PIAS2: variants seen among roughly 807,000 people sequenced by gnomAD.
The protein encoded by PIAS2 is protein inhibitor of activated STAT 2.
In PIAS2, 19 loss-of-function variants were observed where a neutral mutation model predicts 69.7. The observed-to-expected ratio is 0.27, with a 90% CI of 0.19 to 0.40. The LOEUF is 0.40. Ranked by LOEUF, PIAS2 falls within the 10% of genes least tolerant of loss-of-function variation. The probability of loss-of-function intolerance (pLI) is 1.00; values close to 1 mark genes in which losing one functional copy is unlikely to be tolerated. For missense variants in PIAS2, 624 were observed against 757.0 expected (o/e 0.82, Z 2.06); for synonymous variants, 261 against 263.2 (o/e 0.99, Z 0.08).
At chr18:46,907,009 G>A (rs891810374) in intron 1 of PIAS2, among the ~76,000 whole-genome samples, 5 of 152,114 alleles carry the variant, frequency 3.3e-5, no homozygotes, top group African/African-American at 1.2e-4. Context: ...AAGGCAGTAA[G>A]GACCTGAGAC....
At chr18:46,818,198 C>T (rs2041773458) in intron 12 of PIAS2, 37 of 1,177,814 alleles carry the variant, frequency 3.1e-5, no homozygotes, top group Non-Finnish European at 3.9e-5. Context: ...TTTAACAAAA[C>T]ATAACTGCTA....
rs541852053 is a variant in PIAS2 at position 46,914,592 on chromosome 18, T to C, written c.24+2730A>G. On this transcript the variant is annotated intron_variant, in intron 1 of 13. Transcript: ENST00000585916. ...CAACTCCACCCCCGACACACAAGTC[T>C]GAAAAGCAAAGGCACCAGGGTCACC... is the stretch of plus-strand genomic sequence containing the variant. 1.0e-4 allele frequency among the ~76,000 whole-genome samples: 12 copies of C among 119,680 alleles called. No homozygotes were observed. The East Asian group carries it at 3.4e-3, about 33-fold the overall frequency. The allele number at this position is 119,680 out of a possible 152,430, so 78.5% of individuals were successfully genotyped here.
chr18:46,874,653 A>G (rs1052595549), intron 2 of PIAS2, among the ~76,000 whole-genome samples: 1 of 152,214 alleles, frequency 6.6e-6, no homozygotes, highest in African/African-American at 2.4e-5. Context: ...CTCCTTATGA[A>G]ATGCTATACG....
chr18:46,904,452 A>G (rs1353783492), intron 1 of PIAS2, among the ~76,000 whole-genome samples: 1 of 152,182 alleles, frequency 6.6e-6, no homozygotes, highest in African/African-American at 2.4e-5. Context: ...TGACAAAAAA[A>G]GAAAAATAAC....
rs1296438757 is a variant in PIAS2, at chr18:46,804,753, C to T, written c.*7680G>A. The T allele has an allele frequency of 6.6e-6, 1 of 152,210 alleles. No homozygotes were observed. Among genetic ancestry groups the T allele is most frequent in the African/African-American group, 2.4e-5 (1 of 41,446 alleles). The allele number at this position is 152,210 out of a possible 1,614,324, so 9.4% of individuals were successfully genotyped here. ...CATTAACATTGTAATCTCCCTATTT[C>T]ACACCTCTGTTGACGCTATTGGAGC... On this transcript the variant is annotated 3_prime_UTR_variant, in exon 14 of 14. Coordinates refer to ENST00000585916, the MANE Select transcript of PIAS2 (RefSeq NM_004671.5).
Position 46,807,599 on chromosome 18 carries a change from G to GT in PIAS2, c.*4833dup. On this transcript the variant is annotated 3_prime_UTR_variant, in exon 14 of 14. Transcript: ENST00000585916. Reference sequence around the variant, plus strand: ...GAGATGGGGTTTCACCATGTTCCATGTTAGCCAGGCTGGTCTCCAACTCCT... The same window carrying GT: ...GAGATGGGGTTTCACCATGTTCCATGTTTAGCCAGGCTGGTCTCCAACTCCT... 6.6e-6 allele frequency: 1 copy of GT among 151,554 alleles called. No homozygotes were observed. Among genetic ancestry groups the GT allele is most frequent in the Non-Finnish European group, 1.5e-5 (1 of 67,916 alleles). The allele number at this position is 151,554 out of a possible 1,614,324, so 9.4% of individuals were successfully genotyped here.
At chr18:46,823,256 C>T (rs567907840) in intron 11 of PIAS2, among the ~76,000 whole-genome samples, 8 of 151,732 alleles carry the variant, frequency 5.3e-5, no homozygotes, top group Non-Finnish European at 8.8e-5. Flanking sequence ...TTTAACCTAT[C>T]GTGTTTTTTT....
intron 12 of PIAS2, chr18:46,817,249 A>G: frequency 1.0e-6 from 1 of 983,796 alleles, no homozygotes; most frequent in Non-Finnish European, 1.2e-6. Context: ...TATAACGCTA[A>G]GTATTGACAA....
chr18:46,860,364 A>G (rs2048470444), intron 3 of PIAS2, among the ~76,000 whole-genome samples: 1 of 152,250 alleles, frequency 6.6e-6, no homozygotes, highest in South Asian at 2.1e-4. Flanking sequence ...TGCTAGATCA[A>G]ATAGATCACT....
intron 12 of PIAS2, chr18:46,815,778 A>G (rs1331483709): frequency 1.0e-6 from 1 of 998,690 alleles, no homozygotes; most frequent in South Asian, 4.5e-5. Context: ...ATCGCTTCTT[A>G]AACAGATGTC....
intron 6 of PIAS2, among the ~76,000 whole-genome samples, chr18:46,845,668 T>C (rs1266420938): frequency 6.6e-6 from 1 of 152,058 alleles, no homozygotes; most frequent in Non-Finnish European, 1.5e-5. Flanking sequence ...TTATTAAATA[T>C]ATTCATTCAA....
In PIAS2 at chr18:46,812,372, ACTAGAGAT is replaced by A; in HGVS notation, c.*53_*60del. On this transcript the variant is annotated 3_prime_UTR_variant, in exon 14 of 14. Transcript: ENST00000585916. Reference sequence around the variant, plus strand: ...AAAAAAAAAAAGAACGTTTCCACAGACTAGAGATCCAAGAAAAAGCAGTTCTGATGAAT... The same window carrying A: ...AAAAAAAAAAAGAACGTTTCCACAGACCAAGAAAAAGCAGTTCTGATGAAT... 2 of 967,614 alleles carry A rather than the reference ACTAGAGAT, an allele frequency of 2.1e-6. No individual in the cohort carries two copies. Among genetic ancestry groups the A allele is most frequent in the South Asian group, 1.8e-5 (1 of 56,136 alleles). 59.9% of individuals were successfully genotyped at this position (967,614 alleles called of 1,614,324 possible).
intron 1 of PIAS2, among the ~76,000 whole-genome samples, chr18:46,910,048 C>G (rs548078151): frequency 6.6e-6 from 1 of 151,950 alleles, no homozygotes; most frequent in East Asian, 1.9e-4. Flanking sequence ...CCCGGCTACT[C>G]GGGAGGCTGA....
At chr18:46,846,991 C>T (rs547625726) in intron 5 of PIAS2, 150 bp from the exon 6 acceptor site, 200 of 577,584 alleles carry the variant, frequency 3.5e-4, no homozygotes, top group African/African-American at 3.1e-3. Flanking sequence ...CATTATCAAC[C>T]CAAAATAGGA....
chr18:46,901,059 T>C lies in PIAS2; in HGVS notation c.25-10005A>G, dbSNP rs921815184. 4 of 403,084 alleles carry C rather than the reference T, an allele frequency of 9.9e-6. No homozygotes were observed. The Admixed American group carries it at 1.0e-4, about 10-fold the overall frequency. 25.0% of individuals were successfully genotyped at this position (403,084 alleles called of 1,614,324 possible). A position where few individuals can be genotyped will look rare whatever the true frequency, so the allele number is the denominator to read the frequency against. ...CAGAAAACAGAAGATGAGAGAATAT[T>C]TCCAAATTCATTTTATGAAACTAAT... On this transcript the variant is annotated intron_variant, in intron 1 of 13. Transcript: ENST00000585916.
intron 5 of PIAS2, among the ~76,000 whole-genome samples, chr18:46,851,042 G>A (rs1469053051): frequency 6.6e-6 from 1 of 152,110 alleles, no homozygotes; most frequent in Non-Finnish European, 1.5e-5. Flanking sequence ...CAGGTAAGGA[G>A]GTGCCTCTTC....
intron 10 of PIAS2, among the ~76,000 whole-genome samples, chr18:46,829,238 AT>A (rs1162106094): frequency 6.6e-6 from 1 of 152,190 alleles, no homozygotes; most frequent in Non-Finnish European, 1.5e-5. Context: ...ATGAGTATAC[AT>A]TCTAGGTAAT....
At chr18:46,901,140 G>A in intron 1 of PIAS2, 2 of 344,996 alleles carry the variant, frequency 5.8e-6, no homozygotes, top group South Asian at 2.3e-5. Flanking sequence ...ACTACAGGCT[G>A]GGTGCGGTGG....
intron 1 of PIAS2, among the ~76,000 whole-genome samples, chr18:46,908,654 T>C (rs2056906966): frequency 1.3e-5 from 2 of 152,176 alleles, no homozygotes; most frequent in Non-Finnish European, 2.9e-5. Flanking sequence ...TCAAAAGCAC[T>C]ATCCATAAAG....
Sources: gnomAD v4.1 joint callset for allele counts (sites outside exome capture counted in the v4.1 genomes callset) on GRCh38, gnomAD v4.1.1 for gene constraint, MANE v1.5 for transcripts, NCBI Gene and HGNC (gene_info 2026-07-23, HGNC 2026-07-21) for gene names.